ZNF493: variants seen among roughly 807,000 people sequenced by gnomAD.
ZNF493 encodes zinc finger protein 493.
Under a neutral mutation model 12.2 loss-of-function variants are expected in ZNF493, and 11 were observed. The observed-to-expected ratio is 0.90, with a 90% CI of 0.57 to 1.50. The LOEUF is 1.50. Ranked by LOEUF, ZNF493 falls within the 40% of genes most tolerant of loss-of-function variation. The pLI, the probability that ZNF493 is intolerant of heterozygous loss-of-function variation, is 0.00. For synonymous variants in ZNF493, 286 were observed against 302.6 expected (o/e 0.95, Z 0.57); for missense variants, 950 against 906.6 (o/e 1.05, Z -0.61).
chr19:21,406,382 A>G (rs1323591293), intron 3 of ZNF493, among the ~76,000 whole-genome samples: 1 of 151,100 alleles, frequency 6.6e-6, no homozygotes, highest in African/African-American at 2.4e-5. Context: ...ACATAGGGCC[A>G]TCTTCTGTCT....
chr19:21,421,538 T>C (rs1203219701), intron 3 of ZNF493, among the ~76,000 whole-genome samples: 4 of 151,916 alleles, frequency 2.6e-5, no homozygotes, highest in African/African-American at 9.7e-5. Context: ...ACTAATTTTG[T>C]ATTTTTAGTA....
intron 3 of ZNF493, chr19:21,414,271 C>G (rs1426965076): frequency 6.6e-6 from 1 of 152,220 alleles, no homozygotes; most frequent in African/African-American, 2.4e-5. Flanking sequence ...GAGTTAGGTT[C>G]CAATCCTCGA....
In ZNF493 at chr19:21,424,955, A is replaced by G. The variant is rs550467282; in HGVS notation, c.2296A>G (p.Ile766Val). Residue 766 changes from isoleucine (I) to valine (V), a missense_variant, in exon 4 of 4, where the codon ATT (isoleucine) becomes GTT (valine). Physicochemically the swap from Ile to Val is conservative, Grantham distance 29. Coordinates refer to ENST00000392288, the MANE Select transcript of ZNF493 (RefSeq NM_001076678.3). ...TAGACATAAGATAATTCATATTGGAATTCATACTGAAGAGACTGTACAAAA... is the reference window on the plus strand; with the variant it reads ...TAGACATAAGATAATTCATATTGGAGTTCATACTGAAGAGACTGTACAAAA... ...LSRHKIIHIG[I>V]HTEETVQK The G allele has an allele frequency of 2.5e-6, 4 of 1,599,410 alleles. No homozygotes were observed. Among genetic ancestry groups the G allele is most frequent in the Middle Eastern group, 1.7e-4 (1 of 5,942 alleles).
At chr19:21,422,545 C>T (rs1389398073) in intron 3 of ZNF493, among the ~76,000 whole-genome samples, 1 of 150,924 alleles carries the variant, frequency 6.6e-6, no homozygotes, top group East Asian at 2.0e-4. Context: ...TCACTGGTAC[C>T]TTAGCCTCCC....
chr19:21,412,830 CTTT>C, intron 3 of ZNF493: 1 of 328,512 alleles, frequency 3.0e-6, no homozygotes, highest in Middle Eastern at 1.1e-3. Context: ...TTTCTAGATG[CTTT>C]TTTATTCTTT....
chr19:21,424,849 A>C lies in ZNF493; in HGVS notation c.2190A>C (p.Lys730Asn). ...KAFNHSSNLI[K>N]HKLIHTGDKP... is the part of the protein sequence containing the mutation. ...TTAACCATTCCTCAAACCTTATTAA[A>C]CATAAGCTAATTCATACTGGAGACA... The change falls in exon 4 of 4, where the codon AAA (lysine) becomes AAC (asparagine). Residue 730 changes from lysine to asparagine, a missense_variant. Lys to Asn is a moderately conservative substitution (Grantham distance 94). Transcript: ENST00000392288. The C allele has an allele frequency of 6.2e-7, 1 of 1,613,416 alleles. No individual in the cohort carries two copies.
At chr19:21,415,111 T>G (rs942279879) in intron 3 of ZNF493, among the ~76,000 whole-genome samples, 15 of 152,110 alleles carry the variant, frequency 9.9e-5, no homozygotes, top group African/African-American at 3.6e-4. Context: ...TGAATTAGTA[T>G]GTGGAAGAAA....
intron 3 of ZNF493, among the ~76,000 whole-genome samples, chr19:21,420,388 A>C (rs2145303247): frequency 6.6e-6 from 1 of 150,656 alleles, no homozygotes; most frequent in South Asian, 2.1e-4. Flanking sequence ...GTATGTGCAT[A>C]TCTTTCCCAG....
Position 21,423,998 on chromosome 19 carries a change from A to G in ZNF493, c.1339A>G (p.Ile447Val), listed in dbSNP as rs1328728118. ...TGGCAAAACCTTTAGTGTATTCTCAATTCTTACTAAACATAAAATAATTCA... is the reference window on the plus strand; with the variant it reads ...TGGCAAAACCTTTAGTGTATTCTCAGTTCTTACTAAACATAAAATAATTCA... ...ECGKTFSVFS[I>V]LTKHKIIHTE... The change falls in exon 4 of 4, where the codon ATT (isoleucine) becomes GTT (valine). Residue 447 changes from isoleucine to valine, a missense_variant. Physicochemically the swap from Ile to Val is conservative, Grantham distance 29 (BLOSUM62 3). Transcript: ENST00000392288. 1 of 1,613,218 alleles carries G rather than the reference A, an allele frequency of 6.2e-7. No homozygotes were observed. The highest frequency in any genetic ancestry group is 2.2e-5 in the East Asian group (1 of 44,786).
At position 21,427,461 on chromosome 19, in the gene ZNF493, A is replaced by G. The variant is rs1427253224; in HGVS notation, c.*2477A>G. 1.3e-5 allele frequency: 2 copies of G among 151,748 alleles called. No individual in the cohort carries two copies. Among genetic ancestry groups the G allele is most frequent in the African/African-American group, 2.4e-5 (1 of 41,338 alleles). 9.4% of individuals were successfully genotyped at this position (151,748 alleles called of 1,614,324 possible). A position where few individuals can be genotyped will look rare whatever the true frequency, so the allele number is the denominator to read the frequency against. On this transcript the variant is annotated 3_prime_UTR_variant, in exon 4 of 4. Transcript: ENST00000392288. ...CCCCTCCCCCCAATTGTACTTTTAT[A>G]TAATAAAATGCAGTACATTTTAAAA...
intron 2 of ZNF493, chr19:21,405,518 T>C: frequency 7.5e-7 from 1 of 1,331,632 alleles, no homozygotes; most frequent in East Asian, 2.9e-5. Context: ...TATAAAATAT[T>C]GTTGTCCATA....
Position 21,424,692 on chromosome 19 carries a change from T to C in ZNF493, c.2033T>C (p.Ile678Thr). The C allele has an allele frequency of 6.2e-7, 1 of 1,613,594 alleles. No homozygotes were observed. Among genetic ancestry groups the C allele is most frequent in the Non-Finnish European group, 8.5e-7 (1 of 1,179,720 alleles). ...IFSTLTKHKI[I>T]HTEEKPYKCE... ...TCAACCCTTACTAAACATAAGATAA[T>C]TCATACTGAAGAGAAACCCTACAAA... Residue 678 changes from isoleucine to threonine, a missense_variant, in exon 4 of 4, where the codon ATT becomes ACT. Transcript: ENST00000392288.
chr19:21,397,947 G>A (rs1299693145), intron 1 of ZNF493: 1 of 152,252 alleles, frequency 6.6e-6, no homozygotes, highest in Non-Finnish European at 1.5e-5. Flanking sequence ...TCTGAATGTA[G>A]TAATTAAAAA....
intron 1 of ZNF493, chr19:21,398,423 T>A (rs551632750): frequency 5.1e-6 from 1 of 195,168 alleles, no homozygotes; most frequent in East Asian, 1.7e-4. Flanking sequence ...ACAGAGATGT[T>A]ACCAGAATGT....
At chr19:21,422,205 C>T (rs2030698679) in intron 3 of ZNF493, among the ~76,000 whole-genome samples, 1 of 152,048 alleles carries the variant, frequency 6.6e-6, no homozygotes, top group Non-Finnish European at 1.5e-5. Flanking sequence ...CTTTCTGTGG[C>T]ACTGCAGTCT....
Position 21,397,187 on chromosome 19 carries a change from T to G in ZNF493, c.-51T>G. On this transcript the variant is annotated 5_prime_UTR_variant, in exon 1 of 4. Coordinates refer to ENST00000392288, the MANE Select transcript of ZNF493 (RefSeq NM_001076678.3). ...GTCTACCCTTCACTGCTCTGTGTCCTCAGCGTGTGTGGCTTCGTGACCTGA... is the reference window on the plus strand; with the variant it reads ...GTCTACCCTTCACTGCTCTGTGTCCGCAGCGTGTGTGGCTTCGTGACCTGA... 6.2e-7 allele frequency: 1 copy of G among 1,611,352 alleles called. No homozygotes were observed. The highest frequency in any genetic ancestry group is 8.5e-7 in the Non-Finnish European group (1 of 1,177,382).
At chr19:21,401,890 A>G (rs1444465436) in intron 1 of ZNF493, among the ~76,000 whole-genome samples, 1 of 152,030 alleles carries the variant, frequency 6.6e-6, no homozygotes, top group African/African-American at 2.4e-5. Context: ...TCGGCCTCCC[A>G]AAGTGCTAGG....
chr19:21,397,992 A>G (rs1974199916), intron 1 of ZNF493: 1 of 152,208 alleles, frequency 6.6e-6, no homozygotes, highest in South Asian at 2.1e-4. Flanking sequence ...TTTTAAAGTA[A>G]GAATTCAGGG....
In ZNF493 at chr19:21,424,863, A is replaced by G; in HGVS notation, c.2204A>G (p.His735Arg). 6.2e-7 allele frequency: 1 copy of G among 1,613,520 alleles called. No individual in the cohort carries two copies. The highest frequency in any genetic ancestry group is 1.1e-5 in the South Asian group (1 of 91,050). Residue 735 changes from histidine (H) to arginine (R), a missense_variant, in exon 4 of 4, where the codon CAT becomes CGT. Transcript: ENST00000392288. ...SSNLIKHKLI[H>R]TGDKPYKCEA... Reference sequence around the variant, plus strand: ...AACCTTATTAAACATAAGCTAATTCATACTGGAGACAAACCCTACAAATGT... The same window carrying G: ...AACCTTATTAAACATAAGCTAATTCGTACTGGAGACAAACCCTACAAATGT...
Sources: gnomAD v4.1 joint callset for allele counts (sites outside exome capture counted in the v4.1 genomes callset) on GRCh38, gnomAD v4.1.1 for gene constraint, MANE v1.5 for transcripts, NCBI Gene and HGNC (gene_info 2026-07-23, HGNC 2026-07-21) for gene names.